The following TRPM4 variants were observed in gnomAD, a reference collection of about 807,000 sequenced individuals.
The protein encoded by TRPM4 is transient receptor potential cation channel subfamily M member 4, also known as calcium-activated non-selective cation channel 1.
TRPM4 carries 124 observed loss-of-function variants against 135.6 expected under a neutral mutation model. The ratio of observed to expected loss-of-function variants is 0.91; its 90% CI spans 0.79 to 1.06. The LOEUF is 1.06. Ranked by LOEUF, TRPM4 falls within the 50% of genes least tolerant of loss-of-function variation. TRPM4 has a pLI of 0.00. For synonymous variants in TRPM4, 745 were observed against 705.6 expected, an observed-to-expected ratio of 1.06 and a Z score of -0.88; for missense variants, 1,658 against 1,671.4, an observed-to-expected ratio of 0.99 and a Z score of 0.14.
intron 12 of TRPM4, among the ~76,000 whole-genome samples, chr19:49,184,849 A>G (rs1968137774): frequency 6.7e-6 from 1 of 150,336 alleles, no homozygotes. Flanking sequence ...ACCATTCTCA[A>G]TCTCTTCTAC....
intron 12 of TRPM4, among the ~76,000 whole-genome samples, chr19:49,184,218 T>C (rs1968110432): frequency 6.6e-6 from 1 of 152,126 alleles, no homozygotes; most frequent in Non-Finnish European, 1.5e-5. Flanking sequence ...ATGTATGTAT[T>C]AATATTCTGT....
chr19:49,200,767 C>T lies in TRPM4; in HGVS notation c.2935C>T (p.Pro979Ser), dbSNP rs763361263. ...RPYLQIFGQI[P>S]QEDMDVALME... ...CTACCTGCAGATCTTCGGGCAGATT[C>T]CCCAGGAGGACATGGACGGTAGGGG... The change falls in exon 19 of 25, where the codon CCC (proline) becomes TCC (serine). Residue 979 changes from proline (P) to serine (S), a missense_variant. Pro to Ser is a moderately conservative substitution (Grantham distance 74). Coordinates refer to ENST00000252826, the MANE Select transcript of TRPM4 (RefSeq NM_017636.4). 2.5e-6 allele frequency: 4 copies of T among 1,613,918 alleles called. No individual in the cohort carries two copies. Among genetic ancestry groups the T allele is most frequent in the Non-Finnish European group, 3.4e-6 (4 of 1,180,022 alleles).
intron 17 of TRPM4, among the ~76,000 whole-genome samples, chr19:49,197,652 TTTTG>T (rs138152671): frequency 0.12 from 18,740 of 149,974 alleles, 1,606 homozygotes; most frequent in Non-Finnish European, 0.18. Context: ...GTGACTGGTT[TTTTG>T]TTTGTTTGTT....
At chr19:49,177,359 G>A (rs957372207) in intron 9 of TRPM4, among the ~76,000 whole-genome samples, 1 of 138,500 alleles carries the variant, frequency 7.2e-6, no homozygotes, top group African/African-American at 2.7e-5. Context: ...TTTTGAGACA[G>A]TGTCTCGCTC....
intron 9 of TRPM4, among the ~76,000 whole-genome samples, chr19:49,178,862 CA>C (rs1967805680): frequency 6.7e-6 from 1 of 148,840 alleles, no homozygotes; most frequent in Admixed American, 6.7e-5. Context: ...AGGTTCATGC[CA>C]TCCTCCTGCC....
chr19:49,196,080 A>C (rs970071947), intron 16 of TRPM4, among the ~76,000 whole-genome samples: 3 of 151,926 alleles, frequency 2.0e-5, no homozygotes, highest in African/African-American at 7.3e-5. Context: ...GCTGGTCTCG[A>C]ACTCCCTACC....
In TRPM4 at chr19:49,171,234, G is replaced by A. The variant is rs1967439824; in HGVS notation, c.797-123G>A. On this transcript the variant is annotated intron_variant, in intron 6 of 24. Transcript: ENST00000252826. The surrounding 1 kb of genome is among the most constrained non-coding windows in gnomAD (Gnocchi z 4.7). The stretch of plus-strand genomic sequence containing the variant: ...TAAAAAAAGAAATGACAATTCCAAT[G>A]AGCCTCTGAACAGAAGATTAGGACA... 2 of 999,346 alleles carry A rather than the reference G, an allele frequency of 2.0e-6. No individual in the cohort carries two copies. The highest frequency in any genetic ancestry group is 2.4e-5 in the East Asian group (1 of 41,872). The allele number at this position is 999,346 out of a possible 1,614,324, so 61.9% of individuals were successfully genotyped here. A position where few individuals can be genotyped will look rare whatever the true frequency, so the allele number is the denominator to read the frequency against.
chr19:49,162,161 A>G (rs562269680), intron 2 of TRPM4, among the ~76,000 whole-genome samples: 3 of 152,316 alleles, frequency 2.0e-5, no homozygotes, highest in South Asian at 2.1e-4. Context: ...AGCTGTAGCC[A>G]GGGCCACTTG....
Position 49,211,330 on chromosome 19 carries a change from TTCTC to T in TRPM4, c.3640+66_3640+69del. The T allele has an allele frequency of 2.5e-6, 4 of 1,583,538 alleles. No homozygotes were observed. Among genetic ancestry groups the T allele is most frequent in the Non-Finnish European group, 3.4e-6 (4 of 1,160,278 alleles). ...TCTGTTCCTGTATTTTTGCGTGTTT[TTCTC>T]TCTCGGCACCTTTCCAGTGTCCCTG... On this transcript the variant is annotated intron_variant, in intron 24 of 24. Coordinates refer to ENST00000252826, the MANE Select transcript of TRPM4 (RefSeq NM_017636.4). This position sits in a 1 kb window ranked among gnomAD's most constrained non-coding sequence, Gnocchi z 4.8.
In TRPM4 at chr19:49,210,708, A is replaced by G. The variant is rs751095080; in HGVS notation, c.3329-2A>G. 1.2e-6 allele frequency: 2 copies of G among 1,614,104 alleles called. No individual in the cohort carries two copies. Among genetic ancestry groups the G allele is most frequent in the Non-Finnish European group, 1.7e-6 (2 of 1,180,024 alleles). ...GCCCTTTGACTCCGCCCGCCCCTGC[A>G]GGGGTTTACCTTTCTAAGGAAGCCG... On this transcript the variant is annotated splice_acceptor_variant, in intron 21 of 24. Transcript: ENST00000252826. LOFTEE classifies it high-confidence loss of function. The surrounding 1 kb of genome is among the most constrained non-coding windows in gnomAD (Gnocchi z 4.1).
chr19:49,188,496 T>C, intron 12 of TRPM4, 145 bp from the exon 13 acceptor site: 3 of 1,190,362 alleles, frequency 2.5e-6, no homozygotes, highest in Non-Finnish European at 3.7e-6. Flanking sequence ...TTCTTCCAGA[T>C]CCATCTCCAA....
intron 9 of TRPM4, among the ~76,000 whole-genome samples, chr19:49,174,540 C>A (rs1456258842): frequency 1.3e-5 from 2 of 151,836 alleles, no homozygotes; most frequent in African/African-American, 4.8e-5. Context: ...GAGGGAAGAT[C>A]GCTTGAGCCC....
intron 12 of TRPM4, among the ~76,000 whole-genome samples, chr19:49,183,675 T>C (rs1461765211): frequency 1.3e-5 from 2 of 152,142 alleles, no homozygotes; most frequent in African/African-American, 4.8e-5. Context: ...AATGCTGGGA[T>C]TACAGGCATG....
chr19:49,180,279 G>C (rs968026193), intron 9 of TRPM4, among the ~76,000 whole-genome samples: 1 of 151,926 alleles, frequency 6.6e-6, no homozygotes, highest in Admixed American at 6.6e-5. Context: ...AATTTTTAAG[G>C]GTTTCTGGTT....
At chr19:49,183,315 T>C in intron 12 of TRPM4, 103 bp downstream of exon 12, 1 of 1,482,396 alleles carries the variant, frequency 6.7e-7, no homozygotes, top group South Asian at 1.2e-5. Context: ...TGACGTCACC[T>C]GACAGGCGCC....
At position 49,171,753 on chromosome 19, in the gene TRPM4, A is replaced by G. The variant is rs771399084; in HGVS notation, c.1034A>G (p.Glu345Gly). ...IRRFFPKGDL[E>G]VLQAQVERIM... The stretch of plus-strand genomic sequence containing the variant: ...CGTTTCTTTCCCAAAGGGGACCTTG[A>G]GGTCCTGCAGGCCCAGGTATGACAC... Residue 345 changes from glutamate (E) to glycine (G), a missense_variant, in exon 8 of 25, where the codon GAG becomes GGG. Around this residue, in one of 3 missense-constraint regions of TRPM4, gnomAD observed 1,412 missense variants for 1,408.7 expected, o/e 1.00. Coordinates refer to ENST00000252826, the MANE Select transcript of TRPM4 (RefSeq NM_017636.4). This position sits in a 1 kb window ranked among gnomAD's most constrained non-coding sequence, Gnocchi z 4.7. The G allele has an allele frequency of 1.9e-6, 3 of 1,610,570 alleles. No individual in the cohort carries two copies. In the South Asian group the frequency reaches 3.3e-5, roughly 18 times the overall value.
intron 3 of TRPM4, among the ~76,000 whole-genome samples, chr19:49,167,491 C>G (rs1433788202): frequency 8.2e-6 from 1 of 122,094 alleles, no homozygotes; most frequent in Non-Finnish European, 1.7e-5. Context: ...CTCTGTCCCT[C>G]TCTCTCTGGG....
chr19:49,183,608 C>G (rs1968084202), intron 12 of TRPM4, among the ~76,000 whole-genome samples: 1 of 151,458 alleles, frequency 6.6e-6, no homozygotes, highest in Non-Finnish European at 1.5e-5. Flanking sequence ...GGGGTTTCAC[C>G]ATGTTGGCCA....
chr19:49,201,192 G>GCTATTTT (rs1289968476), intron 19 of TRPM4, among the ~76,000 whole-genome samples: 32 of 152,078 alleles, frequency 2.1e-4, no homozygotes, highest in African/African-American at 7.2e-4. Context: ...TTTATAACCT[G>GCTATTTT]ACGCGTCTAT....
Sources: gnomAD v4.1 joint callset for allele counts (sites outside exome capture counted in the v4.1 genomes callset) on GRCh38, gnomAD v4.1.1 for gene constraint, gnomAD v4.1.1 regional missense constraint, Gnocchi (gnomAD v3.1) non-coding constraint, MANE v1.5 for transcripts, NCBI Gene and HGNC (gene_info 2026-07-23, HGNC 2026-07-21) for gene names.